Variants in TRABD2B observed in about 807,000 individuals in gnomAD.
TRABD2B encodes the protein TraB domain containing 2B.
In TRABD2B, 14 loss-of-function variants were observed where a neutral mutation model predicts 40.1. The observed-to-expected ratio is 0.35, with a 90% CI of 0.23 to 0.55. The LOEUF is 0.55. TRABD2B is among the 20% of genes least tolerant of loss of function. The pLI is 0.90. For synonymous variants in TRABD2B, 263 were observed against 277.0 expected, an observed-to-expected ratio of 0.95 and a Z score of 0.50; for missense variants, 541 against 648.6, an observed-to-expected ratio of 0.83 and a Z score of 1.80.
chr1:47,926,687 G>A (rs1644973425), intron 2 of TRABD2B, among the ~76,000 whole-genome samples: 1 of 152,194 alleles, frequency 6.6e-6, no homozygotes, highest in Non-Finnish European at 1.5e-5. Flanking sequence ...GGGTTGGAGA[G>A]AATGGGGAGG....
chr1:47,807,994 C>T (rs188299816), intron 2 of TRABD2B, among the ~76,000 whole-genome samples: 3 of 152,304 alleles, frequency 2.0e-5, no homozygotes, highest in Admixed American at 6.5e-5. Flanking sequence ...GGTTAGGCCA[C>T]GCTATCCAGA....
At chr1:47,874,577 T>C (rs531083646) in intron 2 of TRABD2B, among the ~76,000 whole-genome samples, 1 of 145,260 alleles carries the variant, frequency 6.9e-6, no homozygotes, top group East Asian at 2.0e-4. Flanking sequence ...CGGCCTTTTT[T>C]TTTTTTTTAA....
chr1:47,781,899 G>A (rs762529322), intron 4 of TRABD2B, among the ~76,000 whole-genome samples: 63 of 152,176 alleles, frequency 4.1e-4, no homozygotes, highest in African/African-American at 8.9e-4. Flanking sequence ...CAGTGCTCAC[G>A]ACTCCATTCC....
At chr1:47,830,270 A>G (rs1645231608) in intron 2 of TRABD2B, among the ~76,000 whole-genome samples, 1 of 152,212 alleles carries the variant, frequency 6.6e-6, no homozygotes, top group African/African-American at 2.4e-5. Context: ...CCCTCAATAC[A>G]TCTTTGATGA....
chr1:47,936,851 C>T (rs1405565947), intron 2 of TRABD2B, among the ~76,000 whole-genome samples: 1 of 141,948 alleles, frequency 7.0e-6, no homozygotes, highest in Non-Finnish European at 1.6e-5. Flanking sequence ...AAATAAGAAT[C>T]ATCATCATCA....
chr1:47,778,526 T>C lies in TRABD2B; in HGVS notation c.1007A>G (p.Asn336Ser). ...AFGAGHFLGNNTVIDILRQAG... is the reference protein window; with the variant it reads ...AFGAGHFLGNSTVIDILRQAG... ...CTGCCGCAGGATGTCGATGACTGTGTTGTTCCCCAGAAAGTGACCTGGAAC... is the reference window on the plus strand; with the variant it reads ...CTGCCGCAGGATGTCGATGACTGTGCTGTTCCCCAGAAAGTGACCTGGAAC... The change falls in exon 5 of 7, where the codon AAC becomes AGC. Residue 336 changes from asparagine to serine, a missense_variant. This residue lies in a region of TRABD2B where 369 missense variants were observed against 492.8 expected (regional missense o/e 0.75). Coordinates refer to ENST00000606738, the MANE Select transcript of TRABD2B (RefSeq NM_001194986.2). 6.5e-7 allele frequency: 1 copy of C among 1,536,118 alleles called. No individual in the cohort carries two copies. Among genetic ancestry groups the C allele is most frequent in the Non-Finnish European group, 8.7e-7 (1 of 1,146,874 alleles).
intron 3 of TRABD2B, among the ~76,000 whole-genome samples, chr1:47,797,440 TC>T (rs1644763396): frequency 6.6e-6 from 1 of 152,066 alleles, no homozygotes; most frequent in African/African-American, 2.4e-5. Flanking sequence ...GCAGTCCACT[TC>T]CCCTCTCCTT....
chr1:47,925,453 A>G (rs1644957349), intron 2 of TRABD2B, among the ~76,000 whole-genome samples: 1 of 152,094 alleles, frequency 6.6e-6, no homozygotes, highest in Admixed American at 6.5e-5. Flanking sequence ...AAGAAATGGG[A>G]AAAAAAATCT....
intron 2 of TRABD2B, among the ~76,000 whole-genome samples, chr1:47,925,956 G>T (rs898629611): frequency 6.6e-6 from 1 of 152,126 alleles, no homozygotes; most frequent in South Asian, 2.1e-4. Context: ...TAGGATAGAA[G>T]AATTATACCT....
chr1:47,784,306 G>A (rs891291268), intron 4 of TRABD2B, among the ~76,000 whole-genome samples: 2 of 152,216 alleles, frequency 1.3e-5, no homozygotes, highest in Non-Finnish European at 2.9e-5. Context: ...GCAGGAAATT[G>A]TCAGAAACAT....
intron 2 of TRABD2B, among the ~76,000 whole-genome samples, chr1:47,816,904 C>CA (rs1479798606): frequency 6.6e-6 from 1 of 152,174 alleles, no homozygotes; most frequent in African/African-American, 2.4e-5. Context: ...GGTCACACAG[C>CA]AAGTAAGTGG....
chr1:47,875,648 C>T (rs1644212638), intron 2 of TRABD2B, among the ~76,000 whole-genome samples: 1 of 117,286 alleles, frequency 8.5e-6, no homozygotes, highest in Admixed American at 1.2e-4. Flanking sequence ...GATCGTGCTA[C>T]TGCACAACAG....
intron 2 of TRABD2B, among the ~76,000 whole-genome samples, chr1:47,903,851 A>AC (rs1644638278): frequency 6.6e-6 from 1 of 152,222 alleles, no homozygotes; most frequent in Non-Finnish European, 1.5e-5. Context: ...ACCCTGATTA[A>AC]CCCCAAGAGC....
chr1:47,964,507 T>A (rs1418838968), intron 2 of TRABD2B, among the ~76,000 whole-genome samples: 1 of 152,206 alleles, frequency 6.6e-6, no homozygotes, highest in East Asian at 1.9e-4. Context: ...TTTTCCCTAT[T>A]AACCAAACCA....
intron 5 of TRABD2B, 64 bp downstream of exon 5, chr1:47,778,390 T>C: frequency 6.5e-6 from 8 of 1,239,072 alleles, no homozygotes; most frequent in Non-Finnish European, 9.1e-6. Flanking sequence ...TTCACAGCTC[T>C]CCTGAAAGCC....
At chr1:47,796,422 G>T (rs775684877) in intron 3 of TRABD2B, among the ~76,000 whole-genome samples, 1 of 151,988 alleles carries the variant, frequency 6.6e-6, no homozygotes, top group African/African-American at 2.4e-5. Context: ...ACAGGATTAA[G>T]CCCCTAAATG....
chr1:47,984,934 T>C (rs1645899682), intron 2 of TRABD2B, among the ~76,000 whole-genome samples: 1 of 152,236 alleles, frequency 6.6e-6, no homozygotes, highest in Non-Finnish European at 1.5e-5. Flanking sequence ...ACTTATCCCA[T>C]GTCTGGCACT....
At chr1:47,979,174 A>G (rs1346508434) in intron 2 of TRABD2B, among the ~76,000 whole-genome samples, 1 of 151,688 alleles carries the variant, frequency 6.6e-6, no homozygotes, top group Non-Finnish European at 1.5e-5. Context: ...AAACATCTAG[A>G]AATGTGGGAA....
chr1:47,905,520 A>G (rs1364561676), intron 2 of TRABD2B, among the ~76,000 whole-genome samples: 1 of 152,138 alleles, frequency 6.6e-6, no homozygotes, highest in Non-Finnish European at 1.5e-5. Context: ...CTACATCTAC[A>G]TGGTTCCCTA....
Sources: allele counts gnomAD v4.1 joint callset (sites outside exome capture counted in the v4.1 genomes callset), GRCh38; gene constraint gnomAD v4.1.1; regional missense constraint gnomAD v4.1.1; transcripts MANE v1.5; gene names NCBI Gene and HGNC (gene_info 2026-07-23, HGNC 2026-07-21).